KCNH4: variants seen among roughly 807,000 people sequenced by gnomAD.
KCNH4 encodes the protein potassium voltage-gated channel subfamily H member 4.
Under a neutral mutation model 90.7 loss-of-function variants are expected in KCNH4, and 33 were observed. The observed-to-expected ratio is 0.36, with a 90% CI of 0.28 to 0.49. The LOEUF (loss-of-function observed/expected upper bound fraction) is 0.49, where lower values mean the gene tolerates loss of function less well. Among genes scored for constraint, KCNH4 ranks in the 20% least tolerant of loss-of-function variants. KCNH4 has a pLI of 0.98. For synonymous variants in KCNH4, 551 were observed against 581.7 expected, an observed-to-expected ratio of 0.95 and a Z score of 0.76; for missense variants, 1,044 against 1,387.1, an observed-to-expected ratio of 0.75 and a Z score of 3.93.
Position 42,180,992 on chromosome 17 carries a change from G to C in KCNH4, c.-47C>G, listed in dbSNP as rs779819037. Reference sequence around the variant, plus strand: ...GGCGCGGCGCTGGGGAGCTTTCAGCGCGGCCGGGCCGGAGGGGGCGCGCTG... The same window carrying C: ...GGCGCGGCGCTGGGGAGCTTTCAGCCCGGCCGGGCCGGAGGGGGCGCGCTG... On this transcript the variant is annotated 5_prime_UTR_variant, in exon 1 of 17. Transcript: ENST00000264661. The surrounding 1 kb of genome is among the most constrained non-coding windows in gnomAD (Gnocchi z 4.7). 1.3e-6 allele frequency: 2 copies of C among 1,575,902 alleles called. No homozygotes were observed.
chr17:42,165,380 T>G (rs1267061395), intron 11 of KCNH4, 69 bp downstream of exon 11: 1 of 1,582,440 alleles, frequency 6.3e-7, no homozygotes, highest in Non-Finnish European at 8.6e-7. Flanking sequence ...CATGGGACTC[T>G]CAGGCTGGGG....
rs1598268408 is a variant in KCNH4 at position 42,163,574 on chromosome 17, T to G, written c.2477+32A>C. 9.6e-7 allele frequency: 1 copy of G among 1,041,426 alleles called. No individual in the cohort carries two copies. Among genetic ancestry groups the G allele is most frequent in the Non-Finnish European group, 1.4e-6 (1 of 707,638 alleles). The allele number at this position is 1,041,426 out of a possible 1,614,324, so 64.5% of individuals were successfully genotyped here. A position where few individuals can be genotyped will look rare whatever the true frequency, so the allele number is the denominator to read the frequency against. On this transcript the variant is annotated intron_variant, in intron 13 of 16. Transcript: ENST00000264661. The surrounding 1 kb of genome is among the most constrained non-coding windows in gnomAD (Gnocchi z 5.4). Reference sequence around the variant, plus strand: ...AGAAGGTTCTGGAAGCCAATAGGGGTTTTGGGAAAGCAGGGGAGGCTGGCG... The same window carrying G: ...AGAAGGTTCTGGAAGCCAATAGGGGGTTTGGGAAAGCAGGGGAGGCTGGCG...
chr17:42,172,784 C>T (rs951461986), intron 6 of KCNH4, among the ~76,000 whole-genome samples: 5 of 151,820 alleles, frequency 3.3e-5, no homozygotes, highest in Non-Finnish European at 7.4e-5. Flanking sequence ...GGGAGCCGGC[C>T]CTAGTCAGAG....
rs1226064557 is a variant in KCNH4 at position 42,160,412 on chromosome 17, C to A, written c.2682G>T (p.Val894=). The A allele has an allele frequency of 3.1e-6, 5 of 1,606,824 alleles. No individual in the cohort carries two copies. Among genetic ancestry groups the A allele is most frequent in the Non-Finnish European group, 3.4e-6 (4 of 1,175,044 alleles). Residue 894 remains valine, a synonymous_variant, in exon 16 of 17, where the codon GTG becomes GTT. Coordinates refer to ENST00000264661, the MANE Select transcript of KCNH4 (RefSeq NM_012285.3). ...NQEISRLNQE[V]SQLSRELRHI... ...GCCGCAGCTCCCGGCTAAGCTGAGA[C>A]ACCTCCTGATTGAGACGAGAGATCT...
At chr17:42,164,227 C>T (rs548138176) in intron 11 of KCNH4, 59 bp from the exon 12 acceptor site, 1 of 1,415,186 alleles carries the variant, frequency 7.1e-7, no homozygotes, top group African/African-American at 1.4e-5. Flanking sequence ...ATAGCGCAGA[C>T]CCTCCCTGTC....
At position 42,179,036 on chromosome 17, in the gene KCNH4, G is replaced by T. The variant is rs1318284831; in HGVS notation, c.77-10C>A. The T allele has an allele frequency of 2.0e-5, 32 of 1,609,238 alleles. 1 individual carries two copies. In the Admixed American group the frequency reaches 5.3e-4, roughly 27 times the overall value. On this transcript the variant is annotated splice_polypyrimidine_tract_variant and intron_variant, in intron 1 of 16. Transcript: ENST00000264661. Reference sequence around the variant, plus strand: ...AGCAGGAAGTTGCTGTCTGTGGGAAGAAGAGGTCAAGGTCAGGTCAAGGCT... The same window carrying T: ...AGCAGGAAGTTGCTGTCTGTGGGAATAAGAGGTCAAGGTCAGGTCAAGGCT...
intron 15 of KCNH4, among the ~76,000 whole-genome samples, chr17:42,160,661 G>A (rs751013938): frequency 1.1e-4 from 17 of 152,148 alleles, no homozygotes; most frequent in Non-Finnish European, 1.8e-4. Context: ...ACACACGCGC[G>A]CGCGAGCTTT....
Position 42,170,314 on chromosome 17 carries a change from C to A in KCNH4, c.1196-13G>T, listed in dbSNP as rs537218975. ...TCATGCAACCAGCCTGCAGGGTGGA[C>A]GGATGCAGGGAGCCCTGGCTGTGCC... On this transcript the variant is annotated splice_polypyrimidine_tract_variant and intron_variant, in intron 7 of 16. Coordinates refer to ENST00000264661, the MANE Select transcript of KCNH4 (RefSeq NM_012285.3). The A allele has an allele frequency of 6.4e-7, 1 of 1,572,288 alleles. No homozygotes were observed. The highest frequency in any genetic ancestry group is 1.4e-5 in the African/African-American group (1 of 73,574).
At position 42,160,323 on chromosome 17, in the gene KCNH4, G is replaced by A; in HGVS notation, c.2771C>T (p.Thr924Ile). 6.2e-7 allele frequency: 1 copy of A among 1,614,134 alleles called. No homozygotes were observed. The change falls in exon 16 of 17, where the codon ACC becomes ATC. Residue 924 changes from threonine to isoleucine, a missense_variant. Around this residue, in one of 4 missense-constraint regions of KCNH4, gnomAD observed 441 missense variants for 512.3 expected, o/e 0.86. Coordinates refer to ENST00000264661, the MANE Select transcript of KCNH4 (RefSeq NM_012285.3). ...PPGHPAGSAW[T>I]PDPPCPQLRP... ...CAGCTGTGGACAAGGAGGGTCTGGG[G>A]TCCAAGCGGAGCCTGCTGGGTGGCC...
chr17:42,176,309 G>A lies in KCNH4; in HGVS notation c.586-12C>T. On this transcript the variant is annotated splice_polypyrimidine_tract_variant and intron_variant, in intron 4 of 16. Coordinates refer to ENST00000264661, the MANE Select transcript of KCNH4 (RefSeq NM_012285.3). ...GGCTCAAACACGTTCTAAGGGGAGA[G>A]GGGTGGCGGTTGGGGACACTTGAGG... is the stretch of plus-strand genomic sequence containing the variant. 6.2e-7 allele frequency: 1 copy of A among 1,607,940 alleles called. No homozygotes were observed. Among genetic ancestry groups the A allele is most frequent in the Non-Finnish European group, 8.5e-7 (1 of 1,176,430 alleles).
chr17:42,170,991 G>A (rs976293775), intron 7 of KCNH4, among the ~76,000 whole-genome samples: 3 of 152,316 alleles, frequency 2.0e-5, no homozygotes, highest in East Asian at 1.9e-4. Flanking sequence ...ACGGGAGAAC[G>A]GGAAGGCAGG....
intron 5 of KCNH4, 52 bp downstream of exon 5, chr17:42,176,002 A>G: frequency 6.4e-6 from 10 of 1,553,390 alleles, no homozygotes; most frequent in Non-Finnish European, 7.9e-6. Context: ...AGGCTTGGCC[A>G]AGTGGATCCC....
In KCNH4 at chr17:42,181,073, G is replaced by A; in HGVS notation, c.-128C>T. The A allele has an allele frequency of 8.6e-6, 6 of 693,950 alleles. No homozygotes were observed. In the South Asian group the frequency reaches 1.1e-4, roughly 13 times the overall value. 43.0% of individuals were successfully genotyped at this position (693,950 alleles called of 1,614,324 possible). A position where few individuals can be genotyped will look rare whatever the true frequency, so the allele number is the denominator to read the frequency against. ...CCTGCCTCCTCCCCTCCCTCTTACT[G>A]CCGCTGCCGCTGCCGCTGCCTCTGC... is the stretch of plus-strand genomic sequence containing the variant. On this transcript the variant is annotated 5_prime_UTR_variant, in exon 1 of 17. Coordinates refer to ENST00000264661, the MANE Select transcript of KCNH4 (RefSeq NM_012285.3).
chr17:42,169,464 C>T lies in KCNH4; in HGVS notation c.1590+13G>A, dbSNP rs773807713. ...CGGAGGGCAAGGGCAAGATTGGAGACCCTGCAGGCTACCTCGTTGGCGTCG... is the reference window on the plus strand; with the variant it reads ...CGGAGGGCAAGGGCAAGATTGGAGATCCTGCAGGCTACCTCGTTGGCGTCG... On this transcript the variant is annotated intron_variant, in intron 9 of 16. Coordinates refer to ENST00000264661, the MANE Select transcript of KCNH4 (RefSeq NM_012285.3). 2 of 1,611,976 alleles carry T rather than the reference C, an allele frequency of 1.2e-6. No individual in the cohort carries two copies. Among genetic ancestry groups the T allele is most frequent in the African/African-American group, 1.3e-5 (1 of 74,932 alleles).
chr17:42,175,510 G>C, intron 6 of KCNH4, 69 bp downstream of exon 6: 1 of 1,577,542 alleles, frequency 6.3e-7, no homozygotes, highest in Non-Finnish European at 8.7e-7. Context: ...TTTGGGGTCA[G>C]TCCCTTCCTG....
rs2079861981 is a variant in KCNH4, at chr17:42,176,423, G to A, written c.586-126C>T. 3.9e-6 allele frequency: 3 copies of A among 772,972 alleles called. No homozygotes were observed. The South Asian group carries it at 4.9e-5, about 13-fold the overall frequency. The allele number at this position is 772,972 out of a possible 1,614,324, so 47.9% of individuals were successfully genotyped here. A position where few individuals can be genotyped will look rare whatever the true frequency, so the allele number is the denominator to read the frequency against. ...TGCAAGGGCACTTTTGACCATGAAT[G>A]AAAGGAGATAGAAGGCCAGGAGAGG... On this transcript the variant is annotated intron_variant, in intron 4 of 16. Coordinates refer to ENST00000264661, the MANE Select transcript of KCNH4 (RefSeq NM_012285.3).
At chr17:42,165,132 A>T (rs976304261) in intron 11 of KCNH4, among the ~76,000 whole-genome samples, 10 of 151,870 alleles carry the variant, frequency 6.6e-5, no homozygotes, top group African/African-American at 2.4e-4. Flanking sequence ...ACCCAAAAAA[A>T]CAAAAACAAA....
chr17:42,165,063 G>A (rs536086586), intron 11 of KCNH4, among the ~76,000 whole-genome samples: 39 of 151,296 alleles, frequency 2.6e-4, no homozygotes, highest in African/African-American at 7.8e-4. Context: ...CCAAGATCGC[G>A]CCACTGCACT....
At chr17:42,164,217 A>C in intron 11 of KCNH4, 49 bp from the exon 12 acceptor site, 1 of 1,496,222 alleles carries the variant, frequency 6.7e-7, no homozygotes, top group Non-Finnish European at 9.0e-7. Flanking sequence ...TCCCGCGGCC[A>C]TAGCGCAGAC....
Sources: allele counts gnomAD v4.1 joint callset (sites outside exome capture counted in the v4.1 genomes callset), GRCh38; gene constraint gnomAD v4.1.1; regional missense constraint gnomAD v4.1.1; non-coding constraint Gnocchi (gnomAD v3.1); transcripts MANE v1.5; gene names NCBI Gene and HGNC (gene_info 2026-07-23, HGNC 2026-07-21).